Variants in TVP23A observed in about 807,000 individuals in gnomAD.
TVP23A encodes the protein Golgi apparatus membrane protein TVP23 homolog A.
A neutral mutation model predicts 31.7 loss-of-function variants in TVP23A; 21 were observed. The observed-to-expected ratio is 0.66, with a 90% CI of 0.47 to 0.95. TVP23A has a LOEUF of 0.95. TVP23A is among the 40% of genes least tolerant of loss of function. The pLI, the probability that TVP23A is intolerant of heterozygous loss-of-function variation, is 0.00. For synonymous variants in TVP23A, 104 were observed against 96.0 expected (o/e 1.08, Z -0.49); for missense variants, 279 against 255.6 (o/e 1.09, Z -0.62).
At chr16:10,798,654 G>GTTTTGT (rs58138056) in intron 2 of TVP23A, among the ~76,000 whole-genome samples, 100 of 151,846 alleles carry the variant, frequency 6.6e-4, no homozygotes, top group African/African-American at 2.2e-3. Context: ...GGCAGCTTAT[G>GTTTTGT]TTTTGTTTTT....
rs1007856234 is a variant in TVP23A at position 10,811,674 on chromosome 16, G to A, written c.89+6429C>T. On this transcript the variant is annotated intron_variant, in intron 2 of 7. Transcript: ENST00000299866. ...AAATCGGCCACTTTAGGAGGCCGAG[G>A]CGGGCGGATCACGAGGTCAGGAGAT... is the stretch of plus-strand genomic sequence containing the variant. 5.3e-5 allele frequency among the ~76,000 whole-genome samples: 8 copies of A among 152,090 alleles called. No homozygotes were observed. In the East Asian group the frequency reaches 9.6e-4, roughly 18 times the overall value.
At position 10,818,078 on chromosome 16, in the gene TVP23A, T is replaced by G. The variant is rs118145817; in HGVS notation, c.89+25A>C. 17 of 1,590,106 alleles carry G rather than the reference T, an allele frequency of 1.1e-5. No individual in the cohort carries two copies. The highest frequency in any genetic ancestry group is 2.3e-5 in the East Asian group (1 of 44,386). On this transcript the variant is annotated intron_variant, in intron 2 of 7. Transcript: ENST00000299866. This position sits in a 1 kb window ranked among gnomAD's most constrained non-coding sequence, Gnocchi z 4.7. ...TGAATTTGCAGCTTTGGGGAACGCC[T>G]GACCCAAGCTCCATCCCAACACACC...
intron 4 of TVP23A, 150 bp from the exon 5 acceptor site, chr16:10,773,591 G>T: frequency 9.3e-7 from 1 of 1,078,928 alleles, no homozygotes; most frequent in Non-Finnish European, 1.3e-6. Flanking sequence ...TTGTTTTTGA[G>T]ACAAAGTCTC....
At chr16:10,784,043 A>C (rs934315653) in intron 2 of TVP23A, among the ~76,000 whole-genome samples, 2 of 152,088 alleles carry the variant, frequency 1.3e-5, no homozygotes, top group African/African-American at 4.8e-5. Flanking sequence ...CAAAACTCAT[A>C]GAATGGGCTA....
At chr16:10,810,903 G>A (rs181977868) in intron 2 of TVP23A, among the ~76,000 whole-genome samples, 64 of 152,306 alleles carry the variant, frequency 4.2e-4, no homozygotes, top group Non-Finnish European at 8.5e-4. Flanking sequence ...CAGATCGTGG[G>A]ACTTCTCAGT....
chr16:10,763,834 G>A (rs549911536), downstream of TVP23A: 55 of 157,678 alleles, frequency 3.5e-4, no homozygotes, highest in Admixed American at 7.8e-4. Context: ...ATATCAGCCC[G>A]AAAGAGCATC....
chr16:10,801,032 G>A (rs1013764916), intron 2 of TVP23A, among the ~76,000 whole-genome samples: 8 of 152,030 alleles, frequency 5.3e-5, no homozygotes, highest in Non-Finnish European at 1.2e-4. Flanking sequence ...CCTGCTTTTT[G>A]TCAACAAAAG....
intron 2 of TVP23A, among the ~76,000 whole-genome samples, chr16:10,795,869 A>T (rs1262349831): frequency 6.6e-6 from 1 of 152,116 alleles, no homozygotes; most frequent in Non-Finnish European, 1.5e-5. Flanking sequence ...ATGGAAGAAC[A>T]TACCCCCTCC....
intron 2 of TVP23A, among the ~76,000 whole-genome samples, chr16:10,775,895 C>T (rs2031981991): frequency 6.6e-6 from 1 of 150,590 alleles, no homozygotes; most frequent in African/African-American, 2.4e-5. Flanking sequence ...ATTATAGGCG[C>T]CTGCCACCAC....
chr16:10,805,762 C>T (rs1489256424), intron 2 of TVP23A, among the ~76,000 whole-genome samples: 1 of 151,820 alleles, frequency 6.6e-6, no homozygotes, highest in Non-Finnish European at 1.5e-5. Context: ...TCCAGGAAGG[C>T]AGGGACCAAG....
chr16:10,802,241 C>T (rs2033730139), intron 2 of TVP23A, among the ~76,000 whole-genome samples: 1 of 130,398 alleles, frequency 7.7e-6, no homozygotes, highest in East Asian at 2.4e-4. Flanking sequence ...TTATATGATA[C>T]GTGTGTGTGT....
In TVP23A at chr16:10,768,976, C is replaced by T. The variant is rs1186663886; in HGVS notation, c.*126G>A. 3.5e-6 allele frequency: 5 copies of T among 1,413,046 alleles called. No homozygotes were observed. The highest frequency in any genetic ancestry group is 1.4e-5 in the African/African-American group (1 of 70,458). The allele number at this position is 1,413,046 out of a possible 1,614,324, so 87.5% of individuals were successfully genotyped here. A position where few individuals can be genotyped will look rare whatever the true frequency, so the allele number is the denominator to read the frequency against. On this transcript the variant is annotated 3_prime_UTR_variant, in exon 8 of 8. Coordinates refer to ENST00000299866, the MANE Select transcript of TVP23A (RefSeq NM_001079512.4). The surrounding 1 kb of genome is among the most constrained non-coding windows in gnomAD (Gnocchi z 4.3). ...CACCCCTGTCAAAACACAGCCCTCC[C>T]CAGCACAGGACAGGGCTGTCAAGGG...
In TVP23A at chr16:10,775,048, G is replaced by A. The variant is rs368984279; in HGVS notation, c.138C>T (p.Ile46=). The change falls in exon 3 of 8, where the codon ATC becomes ATT. Residue 46 remains isoleucine (I), a synonymous_variant. Coordinates refer to ENST00000299866, the MANE Select transcript of TVP23A (RefSeq NM_001079512.4). ...FFHLFFRVSA[I]VTYVSCDWFS... The stretch of plus-strand genomic sequence containing the variant: ...ACCAGTCGCAGCTCACGTAGGTGAC[G>A]ATGGCACTCACTCGGAAAAACAGGT... 20 of 1,611,894 alleles carry A rather than the reference G, an allele frequency of 1.2e-5. No individual in the cohort carries two copies. Among genetic ancestry groups the A allele is most frequent in the South Asian group, 4.4e-5 (4 of 90,600 alleles).
intron 2 of TVP23A, among the ~76,000 whole-genome samples, chr16:10,787,295 A>C (rs1317356449): frequency 2.6e-5 from 4 of 152,184 alleles, no homozygotes; most frequent in Non-Finnish European, 5.9e-5. Flanking sequence ...AAGCAGCCCC[A>C]AAATTATTTT....
downstream of TVP23A, among the ~76,000 whole-genome samples, chr16:10,764,202 G>A (rs146329378): frequency 1.7e-4 from 24 of 144,958 alleles, no homozygotes; most frequent in Middle Eastern, 4.6e-3. Context: ...CCGAAGGAGC[G>A]TCTCAGCCCA....
At position 10,775,010 on chromosome 16, in the gene TVP23A, A is replaced by C. The variant is rs1481001545; in HGVS notation, c.176T>G (p.Phe59Cys). 3 of 1,612,866 alleles carry C rather than the reference A, an allele frequency of 1.9e-6. No individual in the cohort carries two copies. The Admixed American group carries it at 5.0e-5, about 27-fold the overall frequency. The change falls in exon 3 of 8, where the codon TTT becomes TGT. Residue 59 changes from phenylalanine (F) to cysteine (C), a missense_variant. Transcript: ENST00000299866. Reference protein sequence around the residue: ...YVSCDWFSKSFVGCFVMVLLL... With the variant: ...YVSCDWFSKSCVGCFVMVLLL... ...CAGCACCATGACAAAACAGCCCACA[A>C]AGCTCTTGCTGAACCAGTCGCAGCT...
intron 2 of TVP23A, among the ~76,000 whole-genome samples, chr16:10,790,017 T>G (rs1354395128): frequency 1.3e-5 from 2 of 152,118 alleles, no homozygotes; most frequent in African/African-American, 4.8e-5. Flanking sequence ...AATGTTCAGG[T>G]GAAGATAAAA....
Position 10,818,288 on chromosome 16 carries a change from C to T in TVP23A, c.10-106G>A, listed in dbSNP as rs2034531153. On this transcript the variant is annotated intron_variant, in intron 1 of 7. Transcript: ENST00000299866. This position sits in a 1 kb window ranked among gnomAD's most constrained non-coding sequence, Gnocchi z 4.7. ...GACTCCACTTGCACCCCACCGGGTT[C>T]CCAAGTGGACCCTCCGAGCTGGCGG... The T allele has an allele frequency of 1.8e-6, 2 of 1,098,952 alleles. No homozygotes were observed. The highest frequency in any genetic ancestry group is 4.5e-5 in the Admixed American group (2 of 44,582). 68.1% of individuals were successfully genotyped at this position (1,098,952 alleles called of 1,614,324 possible).
At position 10,766,977 on chromosome 16, in the gene TVP23A, C is replaced by T. The variant is rs1019163512; in HGVS notation, c.*2125G>A. Reference sequence around the variant, plus strand: ...GGCCATATGGGCTCCCCATCTCCCACCAACCCCTCCCCACAGGCTTCTTCC... The same window carrying T: ...GGCCATATGGGCTCCCCATCTCCCATCAACCCCTCCCCACAGGCTTCTTCC... On this transcript the variant is annotated 3_prime_UTR_variant, in exon 8 of 8. Coordinates refer to ENST00000299866, the MANE Select transcript of TVP23A (RefSeq NM_001079512.4). This position sits in a 1 kb window ranked among gnomAD's most constrained non-coding sequence, Gnocchi z 4.8. The T allele has an allele frequency of 1.0e-5, 4 of 398,710 alleles. No individual in the cohort carries two copies. Among genetic ancestry groups the T allele is most frequent in the South Asian group, 1.3e-4 (1 of 7,872 alleles). 24.7% of individuals were successfully genotyped at this position (398,710 alleles called of 1,614,324 possible).
Sources: gnomAD v4.1 joint callset for allele counts (sites outside exome capture counted in the v4.1 genomes callset) on GRCh38, gnomAD v4.1.1 for gene constraint, Gnocchi (gnomAD v3.1) non-coding constraint, MANE v1.5 for transcripts, NCBI Gene and HGNC (gene_info 2026-07-23, HGNC 2026-07-21) for gene names.